Variants in CAMK1D observed in about 807,000 individuals in gnomAD.
CAMK1D encodes calcium/calmodulin-dependent protein kinase type 1D.
Under a neutral mutation model 47.7 loss-of-function variants are expected in CAMK1D, and 9 were observed. The ratio of observed to expected loss-of-function variants is 0.19; its 90% confidence interval spans 0.11 to 0.33. The LOEUF (loss-of-function observed/expected upper bound fraction) is 0.33, where lower values mean the gene tolerates loss of function less well. Among genes scored for constraint, CAMK1D ranks in the 10% least tolerant of loss-of-function variants. The probability of loss-of-function intolerance (pLI) is 1.00; values close to 1 mark genes in which losing one functional copy is unlikely to be tolerated. For missense variants in CAMK1D, 291 were observed against 488.7 expected (o/e 0.60, Z 3.81); for synonymous variants, 184 against 184.9 (o/e 0.99, Z 0.04).
chr10:12,726,396 T>TA, intron 3 of CAMK1D, among the ~76,000 whole-genome samples: 1 of 151,876 alleles, frequency 6.6e-6, no homozygotes, highest in Middle Eastern at 3.4e-3. Flanking sequence ...TGGACTCCAG[T>TA]CCAGACAGAG....
At chr10:12,651,923 T>C (rs988384402) in intron 2 of CAMK1D, among the ~76,000 whole-genome samples, 2 of 151,638 alleles carry the variant, frequency 1.3e-5, no homozygotes, top group African/African-American at 2.4e-5. Flanking sequence ...GGACTACAGG[T>C]GCCCGCCACC....
chr10:12,826,879 C>A (rs1052595735), intron 10 of CAMK1D, among the ~76,000 whole-genome samples: 1 of 152,240 alleles, frequency 6.6e-6, no homozygotes, highest in South Asian at 2.1e-4. Context: ...GCATCGGCAG[C>A]AAAGCCCGTC....
At chr10:12,454,707 C>T (rs1393121810) in intron 1 of CAMK1D, among the ~76,000 whole-genome samples, 2 of 151,118 alleles carry the variant, frequency 1.3e-5, no homozygotes, top group Non-Finnish European at 3.0e-5. Context: ...AAGTGATCCT[C>T]CTGCCTCAGC....
intron 3 of CAMK1D, among the ~76,000 whole-genome samples, chr10:12,691,779 G>A (rs1260230245): frequency 6.6e-6 from 1 of 152,074 alleles, no homozygotes; most frequent in Non-Finnish European, 1.5e-5. Flanking sequence ...AGTATATGTG[G>A]TGCATCCCCT....
chr10:12,575,374 A>C (rs185513236), intron 2 of CAMK1D, among the ~76,000 whole-genome samples: 1 of 152,196 alleles, frequency 6.6e-6, no homozygotes, highest in South Asian at 2.1e-4. Context: ...TACAGGTGTG[A>C]GCCACCACAC....
chr10:12,693,234 G>A (rs543223563), intron 3 of CAMK1D, among the ~76,000 whole-genome samples: 8 of 152,172 alleles, frequency 5.3e-5, no homozygotes, highest in East Asian at 1.9e-4. Flanking sequence ...GCATGGTGGC[G>A]TGCGCCTGTA....
intron 1 of CAMK1D, among the ~76,000 whole-genome samples, chr10:12,413,779 A>C (rs1025204153): frequency 1.3e-5 from 2 of 151,320 alleles, no homozygotes; most frequent in Non-Finnish European, 2.9e-5. Flanking sequence ...TGTTTGTTTG[A>C]AAAAAAAAGT....
chr10:12,646,672 C>G (rs1839819080), intron 2 of CAMK1D, among the ~76,000 whole-genome samples: 1 of 152,074 alleles, frequency 6.6e-6, no homozygotes, highest in African/African-American at 2.4e-5. Context: ...AGCCTGGTAT[C>G]CTGCACATAC....
intron 1 of CAMK1D, among the ~76,000 whole-genome samples, chr10:12,393,682 G>A (rs1347141859): frequency 6.6e-6 from 1 of 152,202 alleles, no homozygotes; most frequent in Non-Finnish European, 1.5e-5. Flanking sequence ...AGCCCACCTG[G>A]GGGAAGACAT....
intron 3 of CAMK1D, among the ~76,000 whole-genome samples, chr10:12,735,203 G>A (rs576687386): frequency 1.3e-5 from 2 of 152,184 alleles, no homozygotes; most frequent in Non-Finnish European, 2.9e-5. Context: ...TCGGCCGGGC[G>A]CGGTGGCTCA....
intron 8 of CAMK1D, among the ~76,000 whole-genome samples, chr10:12,816,947 C>T (rs1832822344): frequency 1.3e-5 from 2 of 151,094 alleles, no homozygotes; most frequent in African/African-American, 4.9e-5. Flanking sequence ...TCATTGGACT[C>T]ACAGTTCCAC....
At chr10:12,490,874 A>C (rs570814376) in intron 1 of CAMK1D, among the ~76,000 whole-genome samples, 2 of 152,336 alleles carry the variant, frequency 1.3e-5, no homozygotes, top group South Asian at 4.1e-4. Flanking sequence ...TTTGGTGATG[A>C]CATACTGTAT....
chr10:12,753,195 T>C (rs948570460), intron 3 of CAMK1D, among the ~76,000 whole-genome samples: 1 of 152,232 alleles, frequency 6.6e-6, no homozygotes, highest in African/African-American at 2.4e-5. Flanking sequence ...GAGGTTGCAG[T>C]GAGCAGAGAT....
chr10:12,650,132 G>A (rs1319617270), intron 2 of CAMK1D, among the ~76,000 whole-genome samples: 1 of 152,214 alleles, frequency 6.6e-6, no homozygotes, highest in Admixed American at 6.5e-5. Flanking sequence ...ACCCTTGGAG[G>A]GGCTGCCGAC....
intron 3 of CAMK1D, among the ~76,000 whole-genome samples, chr10:12,741,405 C>T (rs563352367): frequency 1.2e-3 from 178 of 152,344 alleles, no homozygotes; most frequent in Admixed American, 3.1e-3. Flanking sequence ...GCACTGACCA[C>T]GCTGAACCAG....
At chr10:12,751,787 C>T (rs1378128976) in intron 3 of CAMK1D, among the ~76,000 whole-genome samples, 3 of 151,476 alleles carry the variant, frequency 2.0e-5, no homozygotes, top group African/African-American at 7.3e-5. Flanking sequence ...GCAGCCGGCA[C>T]GCAGCAGGGA....
intron 2 of CAMK1D, among the ~76,000 whole-genome samples, chr10:12,591,395 C>G (rs543922120): frequency 1.3e-5 from 2 of 152,336 alleles, no homozygotes; most frequent in Admixed American, 1.3e-4. Flanking sequence ...CCCGGATGGG[C>G]TGCTTTTGTT....
chr10:12,723,579 C>T (rs897095741), intron 3 of CAMK1D, among the ~76,000 whole-genome samples: 1 of 152,094 alleles, frequency 6.6e-6, no homozygotes, highest in Non-Finnish European at 1.5e-5. Context: ...TGTGTAAGCT[C>T]ATCACTAATC....
At chr10:12,612,952 A>G (rs1405108345) in intron 2 of CAMK1D, among the ~76,000 whole-genome samples, 2 of 152,118 alleles carry the variant, frequency 1.3e-5, no homozygotes, top group Non-Finnish European at 2.9e-5. Flanking sequence ...AAGGAATATG[A>G]TTGTTAATAG....
Sources: gnomAD v4.1 joint callset for allele counts (sites outside exome capture counted in the v4.1 genomes callset) on GRCh38, gnomAD v4.1.1 for gene constraint, MANE v1.5 for transcripts, NCBI Gene and HGNC (gene_info 2026-07-23, HGNC 2026-07-21) for gene names.